Variants in KCNK18 observed in about 807,000 individuals in gnomAD.
KCNK18 encodes potassium two pore domain channel subfamily K member 18, also known as potassium channel subfamily K member 18.
Under a neutral mutation model 11.8 loss-of-function variants are expected in KCNK18, and 8 were observed. That is an observed-to-expected ratio of 0.68 (90% CI 0.40 to 1.22). The LOEUF is 1.22. KCNK18 is among the 50% of genes most tolerant of loss of function. The pLI, the probability that KCNK18 is intolerant of heterozygous loss-of-function variation, is 0.01. For synonymous variants in KCNK18, 208 were observed against 185.8 expected (o/e 1.12, Z -0.97); for missense variants, 442 against 465.4 (o/e 0.95, Z 0.46).
intron 1 of KCNK18, among the ~76,000 whole-genome samples, chr10:117,200,914 C>A (rs540859482): frequency 6.6e-6 from 1 of 152,256 alleles, no homozygotes; most frequent in South Asian, 2.1e-4. Flanking sequence ...CCCCCATGGG[C>A]CTCTCTGTTA....
At chr10:117,208,360 G>A (rs940863797) in intron 2 of KCNK18, among the ~76,000 whole-genome samples, 1 of 152,198 alleles carries the variant, frequency 6.6e-6, no homozygotes, top group East Asian at 1.9e-4. Context: ...GTTATTAATC[G>A]CGCACTGTGT....
rs375869222 is a variant in KCNK18, at chr10:117,209,906, C to G, written c.762C>G (p.Pro254=). ...CCATGGAGAGGAGTAACTCGTGTCC[C>G]GAACTGGTGTTGGGAAGACTCTCAT... ...PQAMERSNSC[P]ELVLGRLSYS... is the part of the protein sequence containing the mutation. The change falls in exon 3 of 3, where the codon CCC becomes CCG. Residue 254 remains proline (P), a synonymous_variant. Transcript: ENST00000334549. 19 of 1,614,066 alleles carry G rather than the reference C, an allele frequency of 1.2e-5. No individual in the cohort carries two copies. The highest frequency in any genetic ancestry group is 1.6e-5 in the Non-Finnish European group (19 of 1,180,042).
intron 2 of KCNK18, among the ~76,000 whole-genome samples, chr10:117,203,303 T>G (rs555725838): frequency 1.1e-4 from 17 of 152,204 alleles, no homozygotes; most frequent in African/African-American, 4.1e-4. Flanking sequence ...TCTTGTGCAA[T>G]TCTCACCACA....
chr10:117,210,045 C>G lies in KCNK18; in HGVS notation c.901C>G (p.Leu301Val). Residue 301 changes from leucine (L) to valine (V), a missense_variant, in exon 3 of 3, where the codon CTC (leucine) becomes GTC (valine). Transcript: ENST00000334549. ...CTACATTTCCTGTGCAGCTGCCATC[C>G]TCCCCTTCTGGGAGACACAGTTGGA... ...FAYISCAAAI[L>V]PFWETQLDFE... 6.2e-7 allele frequency: 1 copy of G among 1,614,228 alleles called. No homozygotes were observed.
intron 1 of KCNK18, among the ~76,000 whole-genome samples, chr10:117,198,706 A>G (rs80052770): frequency 0.015 from 2,268 of 152,320 alleles, 46 homozygotes; most frequent in African/African-American, 0.052. Flanking sequence ...CTCCTTCCAC[A>G]GCCCAGACCT....
intron 2 of KCNK18, among the ~76,000 whole-genome samples, chr10:117,205,653 A>C (rs1207452991): frequency 6.6e-6 from 1 of 152,144 alleles, no homozygotes; most frequent in Non-Finnish European, 1.5e-5. Context: ...AGCCCCCTTT[A>C]TCTCTCACCT....
In KCNK18 at chr10:117,209,878, A is replaced by G. The variant is rs1167367942; in HGVS notation, c.734A>G (p.Gln245Arg). The G allele has an allele frequency of 3.7e-6, 6 of 1,614,052 alleles. No individual in the cohort carries two copies. The highest frequency in any genetic ancestry group is 5.1e-6 in the Non-Finnish European group (6 of 1,180,044). Residue 245 changes from glutamine (Q) to arginine (R), a missense_variant, in exon 3 of 3, where the codon CAA becomes CGA. Gln to Arg is a conservative substitution (Grantham distance 43, BLOSUM62 1). Coordinates refer to ENST00000334549, the MANE Select transcript of KCNK18 (RefSeq NM_181840.1). ...CAGAACACACTGCAACTGCCCCCAC[A>G]AGCCATGGAGAGGAGTAACTCGTGT... is the stretch of plus-strand genomic sequence containing the variant. ...EKQNTLQLPP[Q>R]AMERSNSCPE...
intron 2 of KCNK18, among the ~76,000 whole-genome samples, chr10:117,203,881 A>G (rs979604855): frequency 2.0e-5 from 3 of 152,174 alleles, no homozygotes; most frequent in African/African-American, 7.2e-5. Flanking sequence ...GGGTTTCACC[A>G]TGTTGGCCAG....
chr10:117,207,065 G>A (rs544164653), intron 2 of KCNK18, among the ~76,000 whole-genome samples: 21 of 152,180 alleles, frequency 1.4e-4, no homozygotes, highest in South Asian at 2.1e-4. Flanking sequence ...GTCTCGCTCC[G>A]TTGCCCAGGC....
In KCNK18 at chr10:117,209,756, C is replaced by T. The variant is rs1307095483; in HGVS notation, c.612C>T (p.Ile204=). 6.2e-7 allele frequency: 1 copy of T among 1,614,154 alleles called. No individual in the cohort carries two copies. The part of the protein sequence containing the change: ...PADEAVPQII[I]SAEELPGPKL... ...ATGAAGCTGTCCCTCAGATCATCAT[C>T]AGTGCTGAAGAGCTTCCAGGCCCCA... Residue 204 remains isoleucine (I), a synonymous_variant, in exon 3 of 3, where the codon ATC becomes ATT. Transcript: ENST00000334549.
At chr10:117,200,156 C>T (rs1418243196) in intron 1 of KCNK18, among the ~76,000 whole-genome samples, 3 of 152,212 alleles carry the variant, frequency 2.0e-5, no homozygotes, top group Admixed American at 2.0e-4. Context: ...TGGCTCACTG[C>T]AACCTCCACT....
Position 117,207,521 on chromosome 10 carries a change from G to T in KCNK18, c.353-1976G>T, listed in dbSNP as rs1168914600. 2.6e-5 allele frequency among the ~76,000 whole-genome samples: 4 copies of T among 152,222 alleles called. No individual in the cohort carries two copies. In the East Asian group the frequency reaches 7.7e-4, roughly 29 times the overall value. On this transcript the variant is annotated intron_variant, in intron 2 of 2. Transcript: ENST00000334549. ...GCTCAGCACTATGCCCACAGTGCAT[G>T]CAGTAAGCACTCAATACTGAATGTA...
At chr10:117,205,580 C>T (rs1855065562) in intron 2 of KCNK18, among the ~76,000 whole-genome samples, 1 of 152,176 alleles carries the variant, frequency 6.6e-6, no homozygotes, top group Non-Finnish European at 1.5e-5. Flanking sequence ...AACCATCCTC[C>T]TGTCCTGCTG....
intron 2 of KCNK18, among the ~76,000 whole-genome samples, chr10:117,204,922 T>G (rs1855059048): frequency 6.6e-6 from 1 of 152,216 alleles, no homozygotes; most frequent in South Asian, 2.1e-4. Flanking sequence ...TAGCTTGGCT[T>G]AAATTCCAAG....
At chr10:117,200,739 G>A (rs1855003520) in intron 1 of KCNK18, among the ~76,000 whole-genome samples, 1 of 150,634 alleles carries the variant, frequency 6.6e-6, no homozygotes, top group African/African-American at 2.4e-5. Flanking sequence ...TTGAACCAGG[G>A]AGGTGGAGGT....
chr10:117,202,324 T>C (rs1320238413), intron 2 of KCNK18, among the ~76,000 whole-genome samples: 2 of 152,320 alleles, frequency 1.3e-5, no homozygotes, highest in South Asian at 2.1e-4. Context: ...GATGACTATG[T>C]ATGTAAGTGG....
At chr10:117,209,463 A>G in intron 2 of KCNK18, 34 bp from the exon 3 acceptor site, 1 of 1,571,376 alleles carries the variant, frequency 6.4e-7, no homozygotes, top group Non-Finnish European at 8.8e-7. Context: ...GGAAGGGGCC[A>G]GATGCAAACT....
At chr10:117,201,613 C>T (rs1855015277) in intron 2 of KCNK18, among the ~76,000 whole-genome samples, 1 of 152,212 alleles carries the variant, frequency 6.6e-6, no homozygotes, top group African/African-American at 2.4e-5. Context: ...CGTTTGAACC[C>T]AGCCACTTGG....
At chr10:117,203,795 C>T (rs1439677505) in intron 2 of KCNK18, among the ~76,000 whole-genome samples, 1 of 152,232 alleles carries the variant, frequency 6.6e-6, no homozygotes, top group Admixed American at 6.5e-5. Flanking sequence ...TCTCGGCCTT[C>T]CAAAGTGCTG....
Sources: allele counts gnomAD v4.1 joint callset (sites outside exome capture counted in the v4.1 genomes callset), GRCh38; gene constraint gnomAD v4.1.1; transcripts MANE v1.5; gene names NCBI Gene and HGNC (gene_info 2026-07-23, HGNC 2026-07-21).